Variants in MACF1 observed in about 807,000 individuals in gnomAD.
MACF1 encodes the protein microtubule actin crosslinking factor 1.
A neutral mutation model predicts 854.8 loss-of-function variants in MACF1; 193 were observed. That is an observed-to-expected ratio of 0.23 (90% CI 0.20 to 0.25). The LOEUF (loss-of-function observed/expected upper bound fraction) is 0.25, where lower values mean the gene tolerates loss of function less well. Among genes scored for constraint, MACF1 ranks in the 10% least tolerant of loss-of-function variants. The probability of loss-of-function intolerance (pLI) is 1.00; values close to 1 mark genes in which losing one functional copy is unlikely to be tolerated. For synonymous variants in MACF1, 3,185 were observed against 3,226.7 expected (o/e 0.99, Z 0.44); for missense variants, 7,722 against 8,929.1 (o/e 0.86, Z 5.45).
At chr1:39,200,090 CA>C (rs1325201237), upstream of MACF1, among the ~76,000 whole-genome samples, 1 of 152,214 alleles carries the variant, frequency 6.6e-6, no homozygotes, top group East Asian at 1.9e-4. Flanking sequence ...ACCATGCCAT[CA>C]AAACTGCACT....
chr1:39,333,599 C>T lies in MACF1; in HGVS notation c.7011C>T (p.Asp2337=). The T allele has an allele frequency of 2.5e-6, 4 of 1,614,218 alleles. No individual in the cohort carries two copies. Among genetic ancestry groups the T allele is most frequent in the Non-Finnish European group, 3.4e-6 (4 of 1,180,034 alleles). The part of the protein sequence containing the change: ...EKLNMFQGFF[D]SQTCESLTTE... ...TGAACATGTTTCAGGGGTTCTTTGA[C>T]TCTCAGACTTGTGAGTCTTTGACAA... The change falls in exon 37 of 101, where the codon GAC becomes GAT. Residue 2337 remains aspartate (D), a synonymous_variant. Transcript: ENST00000564288.
At chr1:39,410,684 A>G (rs746389358) in intron 58 of MACF1, 28 of 1,613,678 alleles carry the variant, frequency 1.7e-5, no homozygotes, top group Non-Finnish European at 1.9e-5. Context: ...ATGCCACCCA[A>G]CTTCCCAGAA....
intron 45 of MACF1, among the ~76,000 whole-genome samples, chr1:39,358,108 C>G (rs1272287836): frequency 6.6e-6 from 1 of 152,222 alleles, no homozygotes; most frequent in East Asian, 1.9e-4. Flanking sequence ...ATACCTAATA[C>G]CTAGCACTGG....
intron 37 of MACF1, 96 bp downstream of exon 37, chr1:39,336,749 T>C: frequency 1.8e-6 from 2 of 1,108,726 alleles, no homozygotes; most frequent in East Asian, 2.6e-5. Context: ...TGTGTAATTG[T>C]ATGCCTCTAT....
chr1:39,374,832 C>T (rs116413660), intron 52 of MACF1, among the ~76,000 whole-genome samples: 2,009 of 152,154 alleles, frequency 0.013, 47 homozygotes, highest in African/African-American at 0.044. Context: ...TGTTGGCTGC[C>T]GGGCGCAGTG....
intron 5 of MACF1, 75 bp downstream of exon 5, chr1:39,254,450 T>C: frequency 2.3e-6 from 3 of 1,307,598 alleles, no homozygotes; most frequent in Non-Finnish European, 3.3e-6. Context: ...ATGTTTTTAG[T>C]GCCCCTAGTA....
Position 39,447,827 on chromosome 1 carries a change from T to C in MACF1, c.19897T>C (p.Trp6633Arg), listed in dbSNP as rs1475804829. Residue 6633 changes from tryptophan (W) to arginine (R), a missense_variant, in exon 82 of 101, where the codon TGG (tryptophan) becomes CGG (arginine). Transcript: ENST00000564288. The stretch of plus-strand genomic sequence containing the variant: ...TTTGTTGGTGAGCGTGCAGTCTCGA[T>C]GGGAGAAGGTTGTCCAGCGATCTAT... The part of the protein sequence containing the change: ...KNLLVSVQSR[W>R]EKVVQRSIER... 2 of 1,613,598 alleles carry C rather than the reference T, an allele frequency of 1.2e-6. No individual in the cohort carries two copies. The highest frequency in any genetic ancestry group is 1.7e-5 in the Admixed American group (1 of 59,978).
intron 2 of MACF1, among the ~76,000 whole-genome samples, chr1:39,135,230 T>C (rs531813146): frequency 1.3e-5 from 2 of 152,142 alleles, no homozygotes; most frequent in Non-Finnish European, 2.9e-5. Context: ...TATTTTTGGG[T>C]TTTTTTGACA....
At chr1:39,199,875 A>G (rs900800077), upstream of MACF1, among the ~76,000 whole-genome samples, 1 of 152,214 alleles carries the variant, frequency 6.6e-6, no homozygotes, top group East Asian at 1.9e-4. Flanking sequence ...CCACTGGACT[A>G]TGTCATCAAT....
At chr1:39,456,916 A>G (rs976547863) in intron 89 of MACF1, 1 of 152,158 alleles carries the variant, frequency 6.6e-6, no homozygotes, top group Non-Finnish European at 1.5e-5. Flanking sequence ...ATCCCTTCCC[A>G]AAACTTCCCT....
chr1:39,135,858 T>A (rs144970652), intron 2 of MACF1, among the ~76,000 whole-genome samples: 12 of 152,304 alleles, frequency 7.9e-5, no homozygotes, highest in African/African-American at 2.9e-4. Flanking sequence ...CTACTATGAA[T>A]GGGATTCTTG....
chr1:39,163,444 A>G (rs1448857229), intron 2 of MACF1, among the ~76,000 whole-genome samples: 2 of 152,170 alleles, frequency 1.3e-5, no homozygotes, highest in African/African-American at 4.8e-5. Context: ...ACCCAAGACA[A>G]AATTAAACCC....
intron 1 of MACF1, among the ~76,000 whole-genome samples, chr1:39,218,182 C>CAAAAAA (rs36113375): frequency 8.3e-5 from 7 of 84,462 alleles, no homozygotes; most frequent in Non-Finnish European, 1.3e-4. Flanking sequence ...GACTCCGTCT[C>CAAAAAA]AAAAAAAAAA....
rs1214484383 is a variant in MACF1 at position 39,316,292 on chromosome 1, G to T, written c.3450-99G>T. On this transcript the variant is annotated intron_variant, in intron 27 of 100. Coordinates refer to ENST00000564288, the MANE Select transcript of MACF1 (RefSeq NM_001394062.1). ...TCTAAAAATGGTGACATTGATTTTG[G>T]TTATTATGTTTTATGAACCTCTCTA... The T allele has an allele frequency of 2.0e-5, 19 of 933,994 alleles. No homozygotes were observed. The Admixed American group carries it at 5.1e-4, about 25-fold the overall frequency. 57.9% of individuals were successfully genotyped at this position (933,994 alleles called of 1,614,324 possible). A position where few individuals can be genotyped will look rare whatever the true frequency, so the allele number is the denominator to read the frequency against.
intron 71 of MACF1, 137 bp downstream of exon 71, chr1:39,438,145 CT>C (rs977019932): frequency 1.3e-6 from 1 of 787,396 alleles, no homozygotes; most frequent in African/African-American, 1.7e-5. Flanking sequence ...CAGAAAGTCA[CT>C]GGAAAATCAT....
Position 39,274,723 on chromosome 1 carries a change from G to A in MACF1, c.529-7485G>A, listed in dbSNP as rs184321232. 2.6e-5 allele frequency among the ~76,000 whole-genome samples: 4 copies of A among 152,154 alleles called. No homozygotes were observed. In the East Asian group the frequency reaches 5.8e-4, roughly 22 times the overall value. ...GTGATTAAGAGCATGGAGCCAGATT[G>A]GCTAGGTTTGAATCCCAATTCTGCA... On this transcript the variant is annotated intron_variant, in intron 6 of 100. Transcript: ENST00000564288.
At position 39,334,160 on chromosome 1, in the gene MACF1, T is replaced by C. The variant is rs1448419894; in HGVS notation, c.7572T>C (p.His2524=). 6.2e-7 allele frequency: 1 copy of C among 1,614,156 alleles called. No homozygotes were observed. Among genetic ancestry groups the C allele is most frequent in the Non-Finnish European group, 8.5e-7 (1 of 1,179,984 alleles). The part of the protein sequence containing the change: ...MRLSVDNAFR[H]GLIGEDLAEK... ...TTTCTGTTGATAATGCCTTCAGACA[T>C]GGCTTAATTGGTGAAGATTTAGCCG... Residue 2524 remains histidine, a synonymous_variant, in exon 37 of 101, where the codon CAT becomes CAC. Coordinates refer to ENST00000564288, the MANE Select transcript of MACF1 (RefSeq NM_001394062.1).
In MACF1 at chr1:39,250,110, T is replaced by G; in HGVS notation, c.261+7T>G. ...CCTCTCAGGCATCAAACTGGTGAGC[T>G]TCTCCTAATGAATGGCCTCACAATT... On this transcript the variant is annotated splice_region_variant and intron_variant, in intron 3 of 100. Coordinates refer to ENST00000564288, the MANE Select transcript of MACF1 (RefSeq NM_001394062.1). The G allele has an allele frequency of 6.3e-7, 1 of 1,598,968 alleles. No individual in the cohort carries two copies. Among genetic ancestry groups the G allele is most frequent in the Admixed American group, 1.7e-5 (1 of 59,834 alleles).
intron 1 of MACF1, among the ~76,000 whole-genome samples, chr1:39,221,327 G>A (rs927313555): frequency 2.1e-4 from 32 of 152,214 alleles, no homozygotes; most frequent in African/African-American, 7.2e-4. Flanking sequence ...GAGAGGTGAT[G>A]TGGGCTAAGT....
Sources: allele counts gnomAD v4.1 joint callset (sites outside exome capture counted in the v4.1 genomes callset), GRCh38; gene constraint gnomAD v4.1.1; transcripts MANE v1.5; gene names NCBI Gene and HGNC (gene_info 2026-07-23, HGNC 2026-07-21).